Variants in PTPRD observed in about 807,000 individuals in gnomAD.
PTPRD encodes protein tyrosine phosphatase receptor type D.
A neutral mutation model predicts 214.5 loss-of-function variants in PTPRD; 34 were observed. That is an observed-to-expected ratio of 0.16 (90% CI 0.12 to 0.21). The LOEUF (loss-of-function observed/expected upper bound fraction) is 0.21. Among genes scored for constraint, PTPRD ranks in the 10% least tolerant of loss-of-function variants. The pLI, the probability that PTPRD is intolerant of heterozygous loss-of-function variation, is 1.00. For missense variants in PTPRD, 2,545 were observed against 2,398.7 expected (o/e 1.06, Z -1.27); for synonymous variants, 1,128 against 845.7 (o/e 1.33, Z -5.79).
chr9:8,360,804 G>C (rs1278781166), intron 39 of PTPRD, among the ~76,000 whole-genome samples: 2 of 152,026 alleles, frequency 1.3e-5, no homozygotes, highest in African/African-American at 4.8e-5. Flanking sequence ...AAATTCCAAG[G>C]GGGGACAAAT....
chr9:9,297,449 T>C (rs1459184181), intron 9 of PTPRD, among the ~76,000 whole-genome samples: 1 of 151,474 alleles, frequency 6.6e-6, no homozygotes, highest in Non-Finnish European at 1.5e-5. Flanking sequence ...GTTTAAAACA[T>C]TGAAACAAAA....
intron 2 of PTPRD, among the ~76,000 whole-genome samples, chr9:10,558,420 T>A (rs1476129362): frequency 6.6e-6 from 1 of 152,118 alleles, no homozygotes; most frequent in Non-Finnish European, 1.5e-5. Context: ...GAATCCCTAG[T>A]GTTTAGCAAA....
At chr9:8,610,848 C>A (rs1045478543) in intron 14 of PTPRD, among the ~76,000 whole-genome samples, 2 of 152,178 alleles carry the variant, frequency 1.3e-5, no homozygotes, top group Non-Finnish European at 2.9e-5. Flanking sequence ...AGGACGTGAT[C>A]TGGTTTAGAT....
At chr9:9,902,289 T>C (rs2076585726) in intron 5 of PTPRD, among the ~76,000 whole-genome samples, 1 of 152,208 alleles carries the variant, frequency 6.6e-6, no homozygotes, top group Admixed American at 6.5e-5. Context: ...TTTATGTATC[T>C]TTGTGAATAC....
intron 3 of PTPRD, among the ~76,000 whole-genome samples, chr9:10,239,180 G>T (rs148249009): frequency 1.3e-5 from 2 of 151,964 alleles, no homozygotes; most frequent in East Asian, 2.0e-4. Context: ...ATCTTAGAGA[G>T]ACTTTCCTTT....
At chr9:9,118,969 C>T (rs549871467) in intron 10 of PTPRD, among the ~76,000 whole-genome samples, 7 of 152,236 alleles carry the variant, frequency 4.6e-5, no homozygotes, top group East Asian at 1.9e-4. Flanking sequence ...GTTGTAGTAG[C>T]GGACATGGAC....
intron 8 of PTPRD, among the ~76,000 whole-genome samples, chr9:9,456,253 G>C (rs1451928885): frequency 6.6e-6 from 1 of 151,774 alleles, no homozygotes; most frequent in Non-Finnish European, 1.5e-5. Flanking sequence ...AAAGGAGTTA[G>C]AGTGGACTGA....
At chr9:10,093,673 C>G (rs758232628) in intron 3 of PTPRD, among the ~76,000 whole-genome samples, 18 of 151,464 alleles carry the variant, frequency 1.2e-4, no homozygotes, top group Non-Finnish European at 2.2e-4. Context: ...TTTACAATAA[C>G]AAACACATGG....
intron 3 of PTPRD, among the ~76,000 whole-genome samples, chr9:10,076,927 C>A (rs1419347000): frequency 6.6e-6 from 1 of 152,122 alleles, no homozygotes; most frequent in Non-Finnish European, 1.5e-5. Flanking sequence ...ACCAATGATT[C>A]TTTCATTGCT....
intron 12 of PTPRD, among the ~76,000 whole-genome samples, chr9:8,705,617 T>A (rs942315690): frequency 2.0e-5 from 3 of 152,230 alleles, no homozygotes; most frequent in African/African-American, 7.2e-5. Flanking sequence ...AAAAGATATA[T>A]CTGCTTCTTA....
intron 10 of PTPRD, among the ~76,000 whole-genome samples, chr9:9,073,003 A>C (rs1220129832): frequency 6.6e-6 from 1 of 152,222 alleles, no homozygotes; most frequent in Non-Finnish European, 1.5e-5. Flanking sequence ...GATCTCAAAC[A>C]TGGAAGTTCA....
intron 4 of PTPRD, among the ~76,000 whole-genome samples, chr9:9,958,438 G>A (rs928388652): frequency 6.6e-6 from 1 of 152,098 alleles, no homozygotes; most frequent in Non-Finnish European, 1.5e-5. Flanking sequence ...GACTGAGGCA[G>A]GAGAATTGCT....
intron 8 of PTPRD, among the ~76,000 whole-genome samples, chr9:9,491,857 C>T (rs538107566): frequency 2.0e-5 from 3 of 151,964 alleles, no homozygotes; most frequent in African/African-American, 7.2e-5. Flanking sequence ...GAAGAACAAG[C>T]TACACCCAAA....
chr9:9,975,178 A>G (rs2095308147), intron 4 of PTPRD, among the ~76,000 whole-genome samples: 1 of 152,124 alleles, frequency 6.6e-6, no homozygotes, highest in Admixed American at 6.6e-5. Flanking sequence ...TAGACACAGT[A>G]AGACTGTGGT....
chr9:9,979,021 G>A (rs1469821862), intron 4 of PTPRD, among the ~76,000 whole-genome samples: 1 of 151,930 alleles, frequency 6.6e-6, no homozygotes, highest in Non-Finnish European at 1.5e-5. Context: ...CTATACACCA[G>A]TAATTCTATT....
intron 7 of PTPRD, among the ~76,000 whole-genome samples, chr9:9,726,442 C>T (rs1018531744): frequency 7.4e-6 from 1 of 134,262 alleles, no homozygotes; most frequent in Non-Finnish European, 1.6e-5. Flanking sequence ...TTAGCATAAC[C>T]TCATTCCCTT....
At chr9:8,499,519 G>T in intron 25 of PTPRD, 128 bp downstream of exon 25, 1 of 896,702 alleles carries the variant, frequency 1.1e-6, no homozygotes, top group Non-Finnish European at 1.7e-6. Context: ...ACATCAATGT[G>T]AAATGAAAAC....
intron 44 of PTPRD, among the ~76,000 whole-genome samples, chr9:8,325,814 C>T (rs538157301): frequency 5.9e-5 from 9 of 151,278 alleles, no homozygotes; most frequent in African/African-American, 2.2e-4. Flanking sequence ...TTAAGTTGGA[C>T]TCCTAGGTAT....
At chr9:8,770,641 T>C (rs1006440913) in intron 11 of PTPRD, among the ~76,000 whole-genome samples, 1 of 152,204 alleles carries the variant, frequency 6.6e-6, no homozygotes, top group Non-Finnish European at 1.5e-5. Context: ...CAGATCTACT[T>C]GATACTTGCT....
Sources: allele counts gnomAD v4.1 joint callset (sites outside exome capture counted in the v4.1 genomes callset), GRCh38; gene constraint gnomAD v4.1.1; transcripts MANE v1.5; gene names NCBI Gene and HGNC (gene_info 2026-07-23, HGNC 2026-07-21).